The following PKD1L1 variants were observed in gnomAD, a reference collection of about 807,000 sequenced individuals.
PKD1L1 encodes polycystin 1 like 1, transient receptor potential channel interacting.
In PKD1L1, 236 loss-of-function variants were observed where a neutral mutation model predicts 323.4. That is an observed-to-expected ratio of 0.73 (90% CI 0.66 to 0.81). The LOEUF is 0.81. Ranked by LOEUF, PKD1L1 falls within the 40% of genes least tolerant of loss-of-function variation. PKD1L1 has a pLI of 0.00. For synonymous variants in PKD1L1, 1,344 were observed against 1,335.0 expected (o/e 1.01, Z -0.15); for missense variants, 3,320 against 3,508.0 (o/e 0.95, Z 1.35).
At chr7:47,945,213 G>A (rs575265666) in intron 1 of PKD1L1, among the ~76,000 whole-genome samples, 2 of 152,288 alleles carry the variant, frequency 1.3e-5, no homozygotes, top group Admixed American at 6.5e-5. Flanking sequence ...AAAGGTGTTC[G>A]CCTTTGTTCT....
At chr7:47,898,249 C>A in intron 13 of PKD1L1, 55 bp from the exon 14 acceptor site, 1 of 1,414,042 alleles carries the variant, frequency 7.1e-7, no homozygotes, top group Non-Finnish European at 9.9e-7. Flanking sequence ...ATCTAATGTA[C>A]TGGTAAATTA....
chr7:47,857,466 C>T (rs1785929684), intron 28 of PKD1L1, 139 bp downstream of exon 28: 1 of 680,686 alleles, frequency 1.5e-6, no homozygotes, highest in Admixed American at 2.7e-5. Flanking sequence ...TAAGTGATCC[C>T]TCTTGGCACT....
rs544026748 is a variant in PKD1L1 at position 47,881,986 on chromosome 7, C to G, written c.3365G>C (p.Arg1122Thr). The G allele has an allele frequency of 6.2e-7, 1 of 1,614,100 alleles. No homozygotes were observed. The highest frequency in any genetic ancestry group is 8.5e-7 in the Non-Finnish European group (1 of 1,180,002). The change falls in exon 20 of 57, where the codon AGA becomes ACA. Residue 1122 changes from arginine (R) to threonine (T), a missense_variant. Coordinates refer to ENST00000289672, the MANE Select transcript of PKD1L1 (RefSeq NM_138295.5). Reference sequence around the variant, plus strand: ...GTCAATCATGAGGACAGGCTCGGCTCTGCCTGCAGACAGGGAGGGGTCCAC... The same window carrying G: ...GTCAATCATGAGGACAGGCTCGGCTGTGCCTGCAGACAGGGAGGGGTCCAC... ...NLVDPSLSAG[R>T]AEPVLMIDWP...
chr7:47,943,254 C>A lies in PKD1L1; in HGVS notation c.160+142G>T. The A allele has an allele frequency of 5.6e-6, 3 of 533,284 alleles. No homozygotes were observed. The South Asian group carries it at 6.5e-5, about 12-fold the overall frequency. 33.0% of individuals were successfully genotyped at this position (533,284 alleles called of 1,614,324 possible). ...TAAGTTAGAGGCACTTGCAAAACAGCAGGTTTAAGATCACTCTGACCTTCC... is the reference window on the plus strand; with the variant it reads ...TAAGTTAGAGGCACTTGCAAAACAGAAGGTTTAAGATCACTCTGACCTTCC... On this transcript the variant is annotated intron_variant, in intron 2 of 56. Coordinates refer to ENST00000289672, the MANE Select transcript of PKD1L1 (RefSeq NM_138295.5).
intron 26 of PKD1L1, among the ~76,000 whole-genome samples, chr7:47,859,819 G>A (rs1033718555): frequency 8.6e-5 from 13 of 151,764 alleles, no homozygotes; most frequent in Non-Finnish European, 8.8e-5. Context: ...TAGTAGAAAC[G>A]GGGTTTCACC....
chr7:47,879,663 G>A, intron 21 of PKD1L1, among the ~76,000 whole-genome samples: 1 of 145,244 alleles, frequency 6.9e-6, no homozygotes, highest in Non-Finnish European at 1.5e-5. Context: ...GCCAGGCACG[G>A]TGGCTCACGC....
the PKD1L1 span, among the ~76,000 whole-genome samples, chr7:47,959,274 T>C: frequency 6.0e-5 from 8 of 132,692 alleles, no homozygotes; most frequent in South Asian, 2.6e-4. Flanking sequence ...CGTCTCTGCC[T>C]GGCCGCCCAT....
intron 56 of PKD1L1, 57 bp downstream of exon 56, chr7:47,792,570 T>A (rs1786974333): frequency 2.0e-6 from 3 of 1,519,204 alleles, no homozygotes; most frequent in South Asian, 2.5e-5. Flanking sequence ...CCAAAACTCC[T>A]TTAGAACTTA....
intron 44 of PKD1L1, 69 bp downstream of exon 44, chr7:47,829,356 G>T (rs2128734784): frequency 7.1e-7 from 1 of 1,405,856 alleles, no homozygotes; most frequent in Non-Finnish European, 9.6e-7. Context: ...CCTACATTCA[G>T]ATATGCATGA....
intron 46 of PKD1L1, among the ~76,000 whole-genome samples, chr7:47,818,878 T>C (rs897742485): frequency 2.0e-5 from 3 of 152,196 alleles, no homozygotes; most frequent in African/African-American, 7.2e-5. Flanking sequence ...CAAATACAAC[T>C]TAAATATGGC....
Position 47,899,955 on chromosome 7 carries a change from CA to C in PKD1L1, c.2065-1762del, listed in dbSNP as rs10639721. On this transcript the variant is annotated intron_variant, in intron 13 of 56. Coordinates refer to ENST00000289672, the MANE Select transcript of PKD1L1 (RefSeq NM_138295.5). ...TAGGCAACAGAGCGAGACTCCATCC[CA>C]AAAAAAAAAAAAATCGGAAAGGGAA... is the stretch of plus-strand genomic sequence containing the variant. Among the ~76,000 whole-genome samples the C allele has an allele frequency of 1.8e-3, 187 of 106,380 alleles. 1 individual carries two copies. Among genetic ancestry groups the C allele is most frequent in the Middle Eastern group, 9.7e-3 (2 of 206 alleles). The allele number at this position is 106,380 out of a possible 152,430, so 69.8% of individuals were successfully genotyped here. A position where few individuals can be genotyped will look rare whatever the true frequency, so the allele number is the denominator to read the frequency against.
At chr7:47,881,514 T>A (rs567341486) in intron 20 of PKD1L1, among the ~76,000 whole-genome samples, 1 of 152,152 alleles carries the variant, frequency 6.6e-6, no homozygotes, top group Non-Finnish European at 1.5e-5. Context: ...AAAAGCACCA[T>A]GTCTGGGCTG....
rs371089236 is a variant in PKD1L1, at chr7:47,931,098, C to T, written c.737+6G>A. ...GGTGCTGGCCTCCATACCTCCTTCA[C>T]CGTACCTTCTGGGAGAAGTGGGAAA... On this transcript the variant is annotated splice_donor_region_variant and intron_variant, in intron 6 of 56. Coordinates refer to ENST00000289672, the MANE Select transcript of PKD1L1 (RefSeq NM_138295.5). The T allele has an allele frequency of 3.7e-6, 6 of 1,612,882 alleles. No individual in the cohort carries two copies. The highest frequency in any genetic ancestry group is 2.7e-5 in the African/African-American group (2 of 74,922).
In PKD1L1 at chr7:47,894,044, T is replaced by C; in HGVS notation, c.2287A>G (p.Ser763Gly). The change falls in exon 15 of 57, where the codon AGT (serine) becomes GGT (glycine). Residue 763 changes from serine to glycine, a missense_variant. Coordinates refer to ENST00000289672, the MANE Select transcript of PKD1L1 (RefSeq NM_138295.5). ...ACACAGTAGTTGCTGTACACCACAC[T>C]GCCTTCAATCTGAACCTGCAGGGGC... The part of the protein sequence containing the change: ...TALAKVQIEG[S>G]VVYSNYCVGL... The C allele has an allele frequency of 1.9e-6, 3 of 1,575,138 alleles. No individual in the cohort carries two copies. Among genetic ancestry groups the C allele is most frequent in the South Asian group, 2.4e-5 (2 of 84,818 alleles).
intron 25 of PKD1L1, among the ~76,000 whole-genome samples, chr7:47,866,092 T>C (rs1472508059): frequency 1.3e-5 from 2 of 152,218 alleles, no homozygotes; most frequent in Non-Finnish European, 2.9e-5. Flanking sequence ...CTTCAGAAGT[T>C]GCACAAAATC....
Position 47,894,008 on chromosome 7 carries a change from C to T in PKD1L1, c.2323G>A (p.Val775Met), listed in dbSNP as rs755509545. ...VYSNYCVGLE[V>M]RAQAPVSVIS... is the part of the protein sequence containing the mutation. ...ACACTGACAGGGGCCTGGGCTCGCA[C>T]CTCCAGGCCCACACAGTAGTTGCTG... The change falls in exon 15 of 57, where the codon GTG becomes ATG. Residue 775 changes from valine (V) to methionine (M), a missense_variant. Transcript: ENST00000289672. 6.2e-7 allele frequency: 1 copy of T among 1,609,786 alleles called. No individual in the cohort carries two copies. The highest frequency in any genetic ancestry group is 8.5e-7 in the Non-Finnish European group (1 of 1,177,992).
Position 47,946,394 on chromosome 7 carries a change from CCACA to C in PKD1L1, c.44+1999_44+2002del, listed in dbSNP as rs71006535. Among the ~76,000 whole-genome samples the C allele has an allele frequency of 0.14, 20,409 of 151,004 alleles. 1,577 individuals are homozygous for C. The highest frequency in any genetic ancestry group is 0.2 in the South Asian group (944 of 4,748). On this transcript the variant is annotated intron_variant, in intron 1 of 56. Coordinates refer to ENST00000289672, the MANE Select transcript of PKD1L1 (RefSeq NM_138295.5). The surrounding 1 kb of genome is among the most constrained non-coding windows in gnomAD (Gnocchi z 4.1). ...ACACTCACACCACACCACACTCACACCACACAAACACACCACACAGCATCACACA... is the reference window on the plus strand; with the variant it reads ...ACACTCACACCACACCACACTCACACCAAACACACCACACAGCATCACACA...
At chr7:47,800,595 G>A in intron 54 of PKD1L1, 54 bp downstream of exon 54, 1 of 1,560,804 alleles carries the variant, frequency 6.4e-7, no homozygotes, top group South Asian at 1.1e-5. Flanking sequence ...CACCCCAACA[G>A]CAAATGAAAC....
At chr7:47,924,903 T>G (rs777521568) in intron 7 of PKD1L1, among the ~76,000 whole-genome samples, 13 of 152,198 alleles carry the variant, frequency 8.5e-5, no homozygotes, top group Non-Finnish European at 1.8e-4. Flanking sequence ...TATCAGCCAT[T>G]GTAATTAAAC....
Sources: gnomAD v4.1 joint callset for allele counts (sites outside exome capture counted in the v4.1 genomes callset) on GRCh38, gnomAD v4.1.1 for gene constraint, Gnocchi (gnomAD v3.1) non-coding constraint, MANE v1.5 for transcripts, NCBI Gene and HGNC (gene_info 2026-07-23, HGNC 2026-07-21) for gene names.